Variants in TNRC6A observed in about 807,000 individuals in gnomAD.
The protein encoded by TNRC6A is trinucleotide repeat-containing gene 6A protein.
In TNRC6A, 44 loss-of-function variants were observed where a neutral mutation model predicts 221.2. The observed-to-expected ratio is 0.20, with a 90% CI of 0.16 to 0.26. The LOEUF (loss-of-function observed/expected upper bound fraction) is 0.26. TNRC6A is among the 10% of genes least tolerant of loss of function. The probability of loss-of-function intolerance (pLI) is 1.00; values close to 1 mark genes in which losing one functional copy is unlikely to be tolerated. For synonymous variants in TNRC6A, 847 were observed against 838.5 expected (o/e 1.01, Z -0.18); for missense variants, 2,199 against 2,404.4 (o/e 0.91, Z 1.79).
chr16:24,622,675 C>T (rs559324882), intron 1 of TNRC6A, among the ~76,000 whole-genome samples: 27 of 152,240 alleles, frequency 1.8e-4, no homozygotes, highest in African/African-American at 6.5e-4. Context: ...TTCAACATGC[C>T]TCCAAAACCA....
upstream of TNRC6A, among the ~76,000 whole-genome samples, chr16:24,729,398 G>T (rs1266085480): frequency 2.0e-5 from 3 of 148,258 alleles, no homozygotes; most frequent in East Asian, 6.0e-4. Flanking sequence ...AGGAGGGGAG[G>T]GACTCCCCTC....
intron 18 of TNRC6A, among the ~76,000 whole-genome samples, chr16:24,812,086 T>G (rs1208397232): frequency 1.6e-5 from 2 of 125,924 alleles, no homozygotes; most frequent in Non-Finnish European, 3.1e-5. Flanking sequence ...TCTCACTCGG[T>G]CACCCAGGCT....
At chr16:24,687,459 C>T (rs566540353) in intron 2 of TNRC6A, among the ~76,000 whole-genome samples, 48 of 152,048 alleles carry the variant, frequency 3.2e-4, no homozygotes, top group African/African-American at 1.1e-3. Flanking sequence ...TCTTCTTGGC[C>T]CTATCACCTT....
chr16:24,666,671 ATAT>A (rs2055177947), intron 2 of TNRC6A, among the ~76,000 whole-genome samples: 1 of 99,566 alleles, frequency 1.0e-5, no homozygotes, highest in African/African-American at 4.6e-5. Flanking sequence ...AAAAAAAAAT[ATAT>A]ATATATATAT....
At chr16:24,617,171 G>A (rs984630641) in intron 1 of TNRC6A, among the ~76,000 whole-genome samples, 1 of 151,726 alleles carries the variant, frequency 6.6e-6, no homozygotes, top group African/African-American at 2.4e-5. Context: ...TGTTGCCCAG[G>A]CTGGAGTGCA....
At chr16:24,662,219 G>A (rs931052040) in intron 2 of TNRC6A, 1 of 152,156 alleles carries the variant, frequency 6.6e-6, no homozygotes, top group African/African-American at 2.4e-5. Flanking sequence ...GGAGGCTGAG[G>A]CAGGAGGATT....
chr16:24,628,882 C>T (rs1901182221), intron 1 of TNRC6A, among the ~76,000 whole-genome samples: 1 of 151,968 alleles, frequency 6.6e-6, no homozygotes, highest in Admixed American at 6.6e-5. Flanking sequence ...TCATGGGAGA[C>T]AGACACCCAG....
At chr16:24,811,326 C>G (rs1336417596) in intron 18 of TNRC6A, among the ~76,000 whole-genome samples, 1 of 152,168 alleles carries the variant, frequency 6.6e-6, no homozygotes, top group Non-Finnish European at 1.5e-5. Context: ...CTGGATGTCT[C>G]AGATACTCTA....
intron 2 of TNRC6A, among the ~76,000 whole-genome samples, chr16:24,644,699 TGCCTTG>T (rs999735162): frequency 2.6e-5 from 4 of 152,116 alleles, no homozygotes; most frequent in African/African-American, 4.8e-5. Context: ...GCAATCTGCC[TGCCTTG>T]GCCTCCCAAA....
At chr16:24,692,536 C>A (rs928933830) in intron 2 of TNRC6A, among the ~76,000 whole-genome samples, 2 of 151,896 alleles carry the variant, frequency 1.3e-5, no homozygotes, top group African/African-American at 4.8e-5. Context: ...CACCACTGCA[C>A]TCCAGCCTGG....
At chr16:24,619,049 C>T (rs114104553) in intron 1 of TNRC6A, among the ~76,000 whole-genome samples, 39 of 152,252 alleles carry the variant, frequency 2.6e-4, no homozygotes, top group African/African-American at 8.2e-4. Flanking sequence ...AGTGAATTTT[C>T]GAAAGAATTT....
intron 2 of TNRC6A, among the ~76,000 whole-genome samples, chr16:24,696,388 G>T (rs115839145): frequency 0.01 from 1,537 of 150,160 alleles, 35 homozygotes; most frequent in African/African-American, 0.036. Flanking sequence ...GAACTCCCTG[G>T]AAAGAATTCA....
chr16:24,812,511 G>T (rs2058567443), intron 18 of TNRC6A, among the ~76,000 whole-genome samples: 1 of 152,142 alleles, frequency 6.6e-6, no homozygotes. Context: ...TAAACAATGG[G>T]CCATATATCC....
At chr16:24,781,444 CTTTAATGTA>C (rs1481160963) in intron 5 of TNRC6A, among the ~76,000 whole-genome samples, 2 of 152,146 alleles carry the variant, frequency 1.3e-5, no homozygotes, top group East Asian at 3.9e-4. Context: ...TACTTGCAGT[CTTTAATGTA>C]TTACATCAGT....
At chr16:24,724,788 T>C (rs1009059548), upstream of TNRC6A, among the ~76,000 whole-genome samples, 17 of 152,098 alleles carry the variant, frequency 1.1e-4, no homozygotes, top group Non-Finnish European at 1.5e-5. Context: ...GGAACTCATA[T>C]CCACGTTCAT....
chr16:24,816,599 G>A (rs1011638113), intron 19 of TNRC6A: 33 of 532,580 alleles, frequency 6.2e-5, no homozygotes, highest in Non-Finnish European at 9.1e-5. Flanking sequence ...TTCACATTCA[G>A]TGAGATGATT....
In TNRC6A at chr16:24,758,275, A is replaced by G. The variant is rs531360132; in HGVS notation, c.142-64A>G. 3.3e-6 allele frequency: 5 copies of G among 1,496,490 alleles called. No homozygotes were observed. In the South Asian group the frequency reaches 3.4e-5, roughly 10 times the overall value. The allele number at this position is 1,496,490 out of a possible 1,614,324, so 92.7% of individuals were successfully genotyped here. On this transcript the variant is annotated intron_variant, in intron 3 of 24. Coordinates refer to ENST00000395799, the MANE Select transcript of TNRC6A (RefSeq NM_014494.4). ...TATATTAATATATGAACATTTTATC[A>G]TAACAGTCCATTTCTTTCAGTTTCA...
At chr16:24,651,210 G>A (rs1193358496) in intron 2 of TNRC6A, among the ~76,000 whole-genome samples, 2 of 150,900 alleles carry the variant, frequency 1.3e-5, no homozygotes, top group Non-Finnish European at 2.9e-5. Flanking sequence ...AAATTGTGGT[G>A]TATCTATTCT....
chr16:24,706,661 C>T (rs945929341), intron 2 of TNRC6A, among the ~76,000 whole-genome samples: 6 of 144,028 alleles, frequency 4.2e-5, no homozygotes, highest in African/African-American at 1.5e-4. Flanking sequence ...TACTGCACTC[C>T]AGCCTGGGTG....
Sources: allele counts gnomAD v4.1 joint callset (sites outside exome capture counted in the v4.1 genomes callset), GRCh38; gene constraint gnomAD v4.1.1; transcripts MANE v1.5; gene names NCBI Gene and HGNC (gene_info 2026-07-23, HGNC 2026-07-21).